GRIA1: variants seen among roughly 807,000 people sequenced by gnomAD.
GRIA1 encodes the protein glutamate receptor 1.
Under a neutral mutation model 99.2 loss-of-function variants are expected in GRIA1, and 31 were observed. That is an observed-to-expected ratio of 0.31 (90% CI 0.23 to 0.42). GRIA1 has a LOEUF of 0.42. Ranked by LOEUF, GRIA1 falls within the 10% of genes least tolerant of loss-of-function variation. GRIA1 has a pLI of 1.00. For synonymous variants in GRIA1, 438 were observed against 432.4 expected, an observed-to-expected ratio of 1.01 and a Z score of -0.16; for missense variants, 782 against 1,157.5, an observed-to-expected ratio of 0.68 and a Z score of 4.71.
At chr5:153,686,186 A>G (rs10035262) in intron 7 of GRIA1, 39 bp from the exon 8 acceptor site, 205,213 of 1,409,712 alleles carry the variant, frequency 0.15, 16,720 homozygotes, top group African/African-American at 0.25. Flanking sequence ...CATAAAGTAC[A>G]TCTGAGTTCA....
intron 2 of GRIA1, among the ~76,000 whole-genome samples, chr5:153,597,540 G>A (rs1361432913): frequency 6.6e-6 from 1 of 152,156 alleles, no homozygotes; most frequent in African/African-American, 2.4e-5. Context: ...GAAGCAATGA[G>A]TTCTTGCTTC....
At chr5:153,736,170 G>A (rs1260626268) in intron 11 of GRIA1, among the ~76,000 whole-genome samples, 3 of 152,194 alleles carry the variant, frequency 2.0e-5, no homozygotes, top group Non-Finnish European at 4.4e-5. Context: ...AGCAGCCAGT[G>A]AGGTTACAAA....
intron 8 of GRIA1, among the ~76,000 whole-genome samples, chr5:153,696,964 G>A (rs1758160355): frequency 6.6e-6 from 1 of 152,026 alleles, no homozygotes; most frequent in Non-Finnish European, 1.5e-5. Context: ...GCTTAGCCTG[G>A]CCTTCAAAGC....
At chr5:153,763,761 T>C (rs1363189489) in intron 11 of GRIA1, among the ~76,000 whole-genome samples, 1 of 152,222 alleles carries the variant, frequency 6.6e-6, no homozygotes, top group African/African-American at 2.4e-5. Context: ...GATAAATTTC[T>C]CACCTCATAA....
At chr5:153,685,778 T>C (rs1193820025) in intron 7 of GRIA1, among the ~76,000 whole-genome samples, 2 of 152,236 alleles carry the variant, frequency 1.3e-5, no homozygotes, top group African/African-American at 2.4e-5. Context: ...GCTTAAGGCT[T>C]CATTCATAAA....
intron 2 of GRIA1, among the ~76,000 whole-genome samples, chr5:153,630,429 C>T (rs1352939180): frequency 6.6e-6 from 1 of 152,144 alleles, no homozygotes; most frequent in Non-Finnish European, 1.5e-5. Context: ...ATGCTGTGGG[C>T]TTCTATGAGC....
At chr5:153,492,626 G>A (rs985302767) in intron 1 of GRIA1, among the ~76,000 whole-genome samples, 1 of 152,086 alleles carries the variant, frequency 6.6e-6, no homozygotes, top group African/African-American at 2.4e-5. Flanking sequence ...TTTGTGGCTT[G>A]GAAGTGTTTG....
chr5:153,571,356 G>A (rs1244036898), intron 2 of GRIA1, among the ~76,000 whole-genome samples: 1 of 151,998 alleles, frequency 6.6e-6, no homozygotes, highest in African/African-American at 2.4e-5. Flanking sequence ...TTCTGTAAAG[G>A]CCCCAAGTAG....
chr5:153,712,878 C>T (rs950478540), intron 11 of GRIA1, among the ~76,000 whole-genome samples: 8 of 152,200 alleles, frequency 5.3e-5, no homozygotes, highest in African/African-American at 1.9e-4. Context: ...TCTCAGACTT[C>T]ATTTCAGCTC....
Position 153,642,652 on chromosome 5 carries a change from CAAAG to C in GRIA1, c.221-4273_221-4270del, listed in dbSNP as rs1433812549. 3.5e-5 allele frequency among the ~76,000 whole-genome samples: 5 copies of C among 144,038 alleles called. No individual in the cohort carries two copies. In the East Asian group the frequency reaches 5.9e-4, roughly 17 times the overall value. The allele number at this position is 144,038 out of a possible 152,430, so 94.5% of individuals were successfully genotyped here. ...CCCTGTTTCAGAAAAAAAAAAAAAA[CAAAG>C]AAGAAGAAGAGGAAGAAAGAGAACA... On this transcript the variant is annotated intron_variant, in intron 2 of 15. Transcript: ENST00000285900.
At chr5:153,785,438 A>T (rs1764912986) in intron 13 of GRIA1, among the ~76,000 whole-genome samples, 1 of 152,196 alleles carries the variant, frequency 6.6e-6, no homozygotes, top group Non-Finnish European at 1.5e-5. Flanking sequence ...AAAATGGTAA[A>T]GTGTGGACAC....
chr5:153,647,221 A>C, intron 3 of GRIA1, 54 bp downstream of exon 3: 7 of 1,585,570 alleles, frequency 4.4e-6, no homozygotes, highest in Non-Finnish European at 6.0e-6. Context: ...GAAAATTACC[A>C]GCAGAAAGGA....
At chr5:153,703,706 C>A in intron 10 of GRIA1, among the ~76,000 whole-genome samples, 1 of 152,174 alleles carries the variant, frequency 6.6e-6, no homozygotes, top group East Asian at 1.9e-4. Flanking sequence ...CCACTGCACT[C>A]CAACCTGGGG....
In GRIA1 at chr5:153,794,706, G is replaced by A. The variant is rs751038792; in HGVS notation, c.2356G>A (p.Glu786Lys). Residue 786 changes from glutamate (E) to lysine (K), a missense_variant, in exon 14 of 16, where the codon GAG becomes AAG. Physicochemically the swap from Glu to Lys is moderately conservative, Grantham distance 56 (BLOSUM62 1). This residue lies in a region of GRIA1 where 119 missense variants were observed against 326.6 expected (regional missense o/e 0.36). Coordinates refer to ENST00000285900, the MANE Select transcript of GRIA1 (RefSeq NM_000827.4). ...AAACAAATGGTGGTACGACAAGGGCGAGTGCGGCAGCGGGGGAGGTGATTC... is the reference window on the plus strand; with the variant it reads ...AAACAAATGGTGGTACGACAAGGGCAAGTGCGGCAGCGGGGGAGGTGATTC... The part of the protein sequence containing the change: ...LKNKWWYDKG[E>K]CGSGGGDSKD... 2.5e-6 allele frequency: 4 copies of A among 1,613,260 alleles called. No homozygotes were observed. The highest frequency in any genetic ancestry group is 1.3e-5 in the African/African-American group (1 of 74,840).
intron 13 of GRIA1, among the ~76,000 whole-genome samples, chr5:153,792,828 T>G (rs1213939171): frequency 6.6e-6 from 1 of 152,078 alleles, no homozygotes; most frequent in Admixed American, 6.5e-5. Flanking sequence ...CCCATAAAGG[T>G]ACCTAAAAGA....
chr5:153,575,915 A>C (rs1194052186), intron 2 of GRIA1, among the ~76,000 whole-genome samples: 3 of 152,222 alleles, frequency 2.0e-5, no homozygotes, highest in Non-Finnish European at 4.4e-5. Flanking sequence ...ACAGGTTCTT[A>C]GACACAACCC....
chr5:153,542,229 A>C (rs74945282), intron 2 of GRIA1, among the ~76,000 whole-genome samples: 1,649 of 152,302 alleles, frequency 0.011, 29 homozygotes, highest in African/African-American at 0.038. Flanking sequence ...ATATCCAAAG[A>C]CAAACTCATT....
At chr5:153,629,538 A>G (rs920958473) in intron 2 of GRIA1, among the ~76,000 whole-genome samples, 6 of 152,222 alleles carry the variant, frequency 3.9e-5, no homozygotes, top group Admixed American at 3.3e-4. Context: ...ATCTTACAGG[A>G]CAACTCTAGC....
rs1014721730 is a variant in GRIA1, at chr5:153,556,975, T to C, written c.220+62910T>C. Reference sequence around the variant, plus strand: ...CTAGACTACAAACCTGTGCAGCATGTTACTGTACTGAATACTGAGGCAAGT... The same window carrying C: ...CTAGACTACAAACCTGTGCAGCATGCTACTGTACTGAATACTGAGGCAAGT... On this transcript the variant is annotated intron_variant, in intron 2 of 15. Transcript: ENST00000285900. 2.0e-5 allele frequency among the ~76,000 whole-genome samples: 3 copies of C among 152,250 alleles called. No individual in the cohort carries two copies. The East Asian group carries it at 5.8e-4, about 29-fold the overall frequency.
Sources: gnomAD v4.1 joint callset for allele counts (sites outside exome capture counted in the v4.1 genomes callset) on GRCh38, gnomAD v4.1.1 for gene constraint, gnomAD v4.1.1 regional missense constraint, MANE v1.5 for transcripts, NCBI Gene and HGNC (gene_info 2026-07-23, HGNC 2026-07-21) for gene names.